The following PBX1 variants were observed in gnomAD, a reference collection of about 807,000 sequenced individuals.
The protein encoded by PBX1 is PBX homeobox 1.
PBX1 carries 6 observed loss-of-function variants against 53.4 expected under a neutral mutation model. The ratio of observed to expected loss-of-function variants is 0.11; its 90% CI spans 0.06 to 0.22. PBX1 has a LOEUF of 0.22. PBX1 is among the 10% of genes least tolerant of loss of function. PBX1 has a pLI of 1.00. For missense variants in PBX1, 251 were observed against 551.4 expected, an observed-to-expected ratio of 0.46 and a Z score of 5.46; for synonymous variants, 204 against 212.3, an observed-to-expected ratio of 0.96 and a Z score of 0.34.
intron 2 of PBX1, among the ~76,000 whole-genome samples, chr1:164,695,578 T>C (rs1473930711): frequency 6.6e-6 from 1 of 152,244 alleles, no homozygotes; most frequent in Non-Finnish European, 1.5e-5. Context: ...TTGTATCCAC[T>C]TTGCCTTGTA....
At chr1:164,805,788 T>C (rs760839278) in intron 4 of PBX1, among the ~76,000 whole-genome samples, 8 of 152,232 alleles carry the variant, frequency 5.3e-5, no homozygotes, top group Non-Finnish European at 1.0e-4. Context: ...GTTAGGCTTT[T>C]AAATCCAATC....
chr1:164,833,841 G>C (rs898344800), intron 8 of PBX1, among the ~76,000 whole-genome samples: 1 of 146,846 alleles, frequency 6.8e-6, no homozygotes, highest in Non-Finnish European at 1.5e-5. Flanking sequence ...GTATTTTTGT[G>C]TTTCTATTAT....
chr1:164,875,519 G>A (rs139586929), intron 2 of PBX1, among the ~76,000 whole-genome samples: 28 of 152,086 alleles, frequency 1.8e-4, no homozygotes, highest in Admixed American at 4.6e-4. Context: ...GGCTAGTCTC[G>A]AACTCCTGGG....
At chr1:164,619,394 C>T (rs939578667) in intron 2 of PBX1, among the ~76,000 whole-genome samples, 1 of 152,050 alleles carries the variant, frequency 6.6e-6, no homozygotes, top group African/African-American at 2.4e-5. Flanking sequence ...TTTGTTGGAG[C>T]TATTTACAAT....
intron 2 of PBX1, among the ~76,000 whole-genome samples, chr1:164,755,809 C>T (rs1048053419): frequency 1.3e-5 from 2 of 151,846 alleles, no homozygotes; most frequent in African/African-American, 2.4e-5. Context: ...TTAGCTTGAG[C>T]GTTCTGGAAA....
chr1:164,726,497 A>C (rs1664708062), intron 2 of PBX1, among the ~76,000 whole-genome samples: 1 of 152,224 alleles, frequency 6.6e-6, no homozygotes, highest in African/African-American at 2.4e-5. Context: ...CCAATGAATT[A>C]ACCAAAACAT....
At chr1:164,587,751 C>CA (rs1557875928) in intron 2 of PBX1, among the ~76,000 whole-genome samples, 1 of 152,208 alleles carries the variant, frequency 6.6e-6, no homozygotes. Context: ...CACACAGACA[C>CA]AGAGTTCTCA....
chr1:164,689,124 A>G (rs1001254434), intron 2 of PBX1, among the ~76,000 whole-genome samples: 1 of 152,220 alleles, frequency 6.6e-6, no homozygotes, highest in African/African-American at 2.4e-5. Context: ...ATGTCCCCTC[A>G]TTGCTGGGTA....
rs866600470 is a variant in PBX1 at position 164,618,301 on chromosome 1, G to C, written c.265+54990G>C. Among the ~76,000 whole-genome samples the C allele has an allele frequency of 6.5e-4, 93 of 142,284 alleles. 3 individuals carry two copies. In the Middle Eastern group the frequency reaches 0.011, roughly 18 times the overall value. The allele number at this position is 142,284 out of a possible 152,430, so 93.3% of individuals were successfully genotyped here. A position where few individuals can be genotyped will look rare whatever the true frequency, so the allele number is the denominator to read the frequency against. ...CCCCAGGGAGAATAATCACGGCGGG[G>C]GGGGGGGGGCACTCAAGATGATCAG... On this transcript the variant is annotated intron_variant, in intron 2 of 8. Transcript: ENST00000420696.
chr1:164,710,638 C>T (rs1164237330), intron 2 of PBX1, among the ~76,000 whole-genome samples: 1 of 151,898 alleles, frequency 6.6e-6, no homozygotes, highest in Non-Finnish European at 1.5e-5. Flanking sequence ...CTCAAACTCC[C>T]GAACTCAGGT....
chr1:164,604,099 T>C (rs2101808917), intron 2 of PBX1, among the ~76,000 whole-genome samples: 1 of 151,862 alleles, frequency 6.6e-6, no homozygotes, highest in Admixed American at 6.6e-5. Context: ...TGCCACCACA[T>C]CCAGCTAATC....
chr1:164,615,605 A>G (rs924481532), intron 2 of PBX1, among the ~76,000 whole-genome samples: 12 of 152,188 alleles, frequency 7.9e-5, no homozygotes, highest in African/African-American at 2.9e-4. Context: ...CTTTATTAAC[A>G]GCCAGCCGCC....
intron 2 of PBX1, among the ~76,000 whole-genome samples, chr1:164,619,192 C>T (rs1657507449): frequency 6.6e-6 from 1 of 152,132 alleles, no homozygotes; most frequent in Non-Finnish European, 1.5e-5. Flanking sequence ...TTGATTCCCT[C>T]TTTAGCTTAC....
At chr1:164,701,511 A>T (rs79175365) in intron 2 of PBX1, among the ~76,000 whole-genome samples, 1 of 152,168 alleles carries the variant, frequency 6.6e-6, no homozygotes, top group Non-Finnish European at 1.5e-5. Flanking sequence ...TGCCCCAGCA[A>T]ATTTGATAGG....
chr1:164,764,944 A>G (rs993418225), intron 2 of PBX1, among the ~76,000 whole-genome samples: 12 of 152,132 alleles, frequency 7.9e-5, no homozygotes, highest in Admixed American at 7.2e-4. Flanking sequence ...TTATAAGCCA[A>G]GTTGTCTTTA....
intron 2 of PBX1, among the ~76,000 whole-genome samples, chr1:164,599,701 C>T (rs1656032395): frequency 6.6e-6 from 1 of 152,108 alleles, no homozygotes; most frequent in East Asian, 1.9e-4. Context: ...AATATAAATG[C>T]TTAGGGAAGC....
chr1:164,722,751 G>C (rs1237915777), intron 2 of PBX1, among the ~76,000 whole-genome samples: 1 of 152,138 alleles, frequency 6.6e-6, no homozygotes, highest in Non-Finnish European at 1.5e-5. Flanking sequence ...TTAGCAACCA[G>C]TGATTTCTTG....
At chr1:164,706,523 A>T (rs987994002) in intron 2 of PBX1, among the ~76,000 whole-genome samples, 3 of 152,180 alleles carry the variant, frequency 2.0e-5, no homozygotes, top group African/African-American at 7.2e-5. Context: ...TAAACTACTA[A>T]TGTCCATTCT....
intron 2 of PBX1, chr1:164,625,815 A>C (rs966415569): frequency 2.2e-6 from 1 of 462,442 alleles, no homozygotes; most frequent in African/African-American, 2.1e-5. Flanking sequence ...GATTTAAAAA[A>C]AAAAAAAAAG....
Sources: gnomAD v4.1 joint callset for allele counts (sites outside exome capture counted in the v4.1 genomes callset) on GRCh38, gnomAD v4.1.1 for gene constraint, MANE v1.5 for transcripts, NCBI Gene and HGNC (gene_info 2026-07-23, HGNC 2026-07-21) for gene names.